VPS50: variants seen among roughly 807,000 people sequenced by gnomAD.
The protein encoded by VPS50 is VPS50 subunit of EARP/GARPII complex.
A neutral mutation model predicts 139.7 loss-of-function variants in VPS50; 70 were observed. The ratio of observed to expected loss-of-function variants is 0.50; its 90% CI spans 0.41 to 0.61. The LOEUF (loss-of-function observed/expected upper bound fraction) is 0.61. VPS50 is among the 20% of genes least tolerant of loss of function. The pLI, the probability that VPS50 is intolerant of heterozygous loss-of-function variation, is 0.00. For missense variants in VPS50, 921 were observed against 1,133.7 expected (o/e 0.81, Z 2.69); for synonymous variants, 365 against 376.7 (o/e 0.97, Z 0.36).
chr7:93,350,109 A>T, intron 25 of VPS50, 76 bp downstream of exon 25: 1 of 978,266 alleles, frequency 1.0e-6, no homozygotes, highest in Non-Finnish European at 1.5e-6. Flanking sequence ...GTGGCTCTAA[A>T]ATAGTAAGAT....
chr7:93,294,396 G>T (rs1028240000), intron 13 of VPS50, 149 bp from the exon 14 acceptor site: 2 of 664,132 alleles, frequency 3.0e-6, no homozygotes, highest in African/African-American at 3.8e-5. Flanking sequence ...AATACCTATT[G>T]TTTGATATTG....
At chr7:93,250,018 T>G (rs968914963) in intron 2 of VPS50, among the ~76,000 whole-genome samples, 5 of 152,022 alleles carry the variant, frequency 3.3e-5, no homozygotes, top group Non-Finnish European at 5.9e-5. Flanking sequence ...CCTGGATTTC[T>G]TACTGCAATC....
chr7:93,319,112 A>C (rs1797522991), intron 20 of VPS50, among the ~76,000 whole-genome samples: 1 of 152,176 alleles, frequency 6.6e-6, no homozygotes, highest in Non-Finnish European at 1.5e-5. Flanking sequence ...AGGTGCAAAG[A>C]ACATATCTTT....
chr7:93,240,247 ACACTCTCTCT>A (rs1237451536), intron 2 of VPS50, among the ~76,000 whole-genome samples: 32 of 144,078 alleles, frequency 2.2e-4, no homozygotes, highest in African/African-American at 6.8e-4. Flanking sequence ...ACACACACAC[ACACTCTCTCT>A]CTCTCTCTCT....
intron 23 of VPS50, among the ~76,000 whole-genome samples, chr7:93,342,883 A>T (rs1798265230): frequency 6.6e-6 from 1 of 152,248 alleles, no homozygotes; most frequent in Non-Finnish European, 1.5e-5. Flanking sequence ...AGATGGGGAA[A>T]AAAACAGAGC....
At chr7:93,282,822 A>G (rs753547132) in intron 12 of VPS50, among the ~76,000 whole-genome samples, 3 of 152,262 alleles carry the variant, frequency 2.0e-5, no homozygotes, top group Non-Finnish European at 4.4e-5. Context: ...AAAGAATATT[A>G]TCATTTACTT....
rs28628228 is a variant in VPS50, at chr7:93,336,092, A to G, written c.2058+1895A>G. 5.5e-3 allele frequency among the ~76,000 whole-genome samples: 838 copies of G among 152,246 alleles called. 8 individuals are homozygous for G. The highest frequency in any genetic ancestry group is 0.019 in the African/African-American group (808 of 41,522). On this transcript the variant is annotated intron_variant, in intron 22 of 27. Coordinates refer to ENST00000305866, the MANE Select transcript of VPS50 (RefSeq NM_017667.4). ...AGAGTACATTAATTGATTTCTTGCT[A>G]CTCAATACATTCTTTGGCTACTAAA...
chr7:93,301,034 C>T (rs949297942), intron 16 of VPS50, among the ~76,000 whole-genome samples: 3 of 152,040 alleles, frequency 2.0e-5, no homozygotes, highest in Admixed American at 6.5e-5. Flanking sequence ...CAATGGTTCA[C>T]GCCTATAATC....
At chr7:93,297,001 A>C (rs1230691263) in intron 15 of VPS50, 144 bp from the exon 16 acceptor site, 6 of 1,442,868 alleles carry the variant, frequency 4.2e-6, no homozygotes, top group Non-Finnish European at 5.4e-6. Context: ...GTGTTTGTAA[A>C]CCTTTATGGA....
chr7:93,249,615 G>A (rs1019013119), intron 2 of VPS50, among the ~76,000 whole-genome samples: 1 of 152,050 alleles, frequency 6.6e-6, no homozygotes, highest in African/African-American at 2.4e-5. Context: ...CAAATATTTT[G>A]TCTTGAATGG....
intron 8 of VPS50, among the ~76,000 whole-genome samples, chr7:93,258,882 G>T (rs1795577405): frequency 6.6e-6 from 1 of 151,988 alleles, no homozygotes; most frequent in African/African-American, 2.4e-5. Context: ...GCTCCTTGGG[G>T]TAGGTACTTT....
intron 5 of VPS50, among the ~76,000 whole-genome samples, 174 bp downstream of exon 5, chr7:93,256,736 T>C (rs1795494761): frequency 6.6e-6 from 1 of 152,112 alleles, no homozygotes; most frequent in Non-Finnish European, 1.5e-5. Flanking sequence ...TCTTTTGGGG[T>C]AATTTACCAA....
At chr7:93,248,496 C>A (rs548238579) in intron 2 of VPS50, among the ~76,000 whole-genome samples, 1 of 152,110 alleles carries the variant, frequency 6.6e-6, no homozygotes, top group African/African-American at 2.4e-5. Flanking sequence ...ATTCCTAAAT[C>A]AGTTCACATC....
chr7:93,320,143 C>T (rs1797559967), intron 20 of VPS50, among the ~76,000 whole-genome samples: 1 of 151,980 alleles, frequency 6.6e-6, no homozygotes, highest in South Asian at 2.1e-4. Context: ...GAACTATGTT[C>T]GAGCTGGCTC....
At chr7:93,256,585 T>C in intron 5 of VPS50, 23 bp downstream of exon 5, 3 of 1,311,584 alleles carry the variant, frequency 2.3e-6, no homozygotes, top group African/African-American at 3.1e-5. Context: ...TTGTTATTTT[T>C]TGTAGTAGAA....
chr7:93,252,190 G>T (rs891137437), intron 2 of VPS50, among the ~76,000 whole-genome samples: 6 of 152,074 alleles, frequency 3.9e-5, no homozygotes, highest in Admixed American at 1.3e-4. Context: ...TGAGTACTGA[G>T]ATTTTTTTAG....
chr7:93,272,632 TA>T lies in VPS50; in HGVS notation c.703-2del. ...TGTCTTGCTTCTTCTTTTAATTATA[TA>T]GGAACAGCTGGACGTAGCTCTTTCC... On this transcript the variant is annotated splice_acceptor_variant, in intron 10 of 27. Transcript: ENST00000305866. LOFTEE classifies it high-confidence loss of function. 7.3e-7 allele frequency: 1 copy of T among 1,364,822 alleles called. No individual in the cohort carries two copies. The highest frequency in any genetic ancestry group is 1.0e-6 in the Non-Finnish European group (1 of 980,958). 84.5% of individuals were successfully genotyped at this position (1,364,822 alleles called of 1,614,324 possible).
intron 19 of VPS50, 50 bp from the exon 20 acceptor site, chr7:93,311,116 G>C (rs116942756): frequency 2.4e-6 from 2 of 834,222 alleles, no homozygotes; most frequent in Non-Finnish European, 4.2e-6. Context: ...TAACTTATTG[G>C]TTTATTACTT....
At chr7:93,244,855 A>G (rs1247266966) in intron 2 of VPS50, among the ~76,000 whole-genome samples, 1 of 151,896 alleles carries the variant, frequency 6.6e-6, no homozygotes, top group Non-Finnish European at 1.5e-5. Flanking sequence ...CTCATGGCTA[A>G]CAGTATTTAG....
Sources: gnomAD v4.1 joint callset for allele counts (sites outside exome capture counted in the v4.1 genomes callset) on GRCh38, gnomAD v4.1.1 for gene constraint, MANE v1.5 for transcripts, NCBI Gene and HGNC (gene_info 2026-07-23, HGNC 2026-07-21) for gene names.